CREB3L2: variants seen among roughly 807,000 people sequenced by gnomAD.
The protein encoded by CREB3L2 is cyclic AMP-responsive element-binding protein 3-like protein 2.
A neutral mutation model predicts 57.2 loss-of-function variants in CREB3L2; 23 were observed. The ratio of observed to expected loss-of-function variants is 0.40; its 90% CI spans 0.29 to 0.57. The LOEUF (loss-of-function observed/expected upper bound fraction) is 0.57. CREB3L2 is among the 20% of genes least tolerant of loss of function. The probability of loss-of-function intolerance (pLI) is 0.42; values close to 1 mark genes in which losing one functional copy is unlikely to be tolerated. For synonymous variants in CREB3L2, 268 were observed against 265.1 expected, an observed-to-expected ratio of 1.01 and a Z score of -0.11; for missense variants, 628 against 634.7, an observed-to-expected ratio of 0.99 and a Z score of 0.11.
intron 5 of CREB3L2, among the ~76,000 whole-genome samples, chr7:137,906,752 T>A (rs916617116): frequency 6.6e-6 from 1 of 151,988 alleles, no homozygotes; most frequent in Admixed American, 6.6e-5. Context: ...TTTGTGAGAG[T>A]GAATGAATCT....
intron 1 of CREB3L2, among the ~76,000 whole-genome samples, chr7:137,957,012 T>G (rs893695188): frequency 6.8e-5 from 10 of 147,702 alleles, no homozygotes; most frequent in Admixed American, 2.7e-4. Flanking sequence ...CACCCCCCAG[T>G]GTACATTAAA....
intron 8 of CREB3L2, among the ~76,000 whole-genome samples, chr7:137,892,856 G>T (rs1159695648): frequency 6.6e-6 from 1 of 152,100 alleles, no homozygotes; most frequent in Non-Finnish European, 1.5e-5. Context: ...AGGGCAGGGA[G>T]GTGGCGGGAT....
At chr7:137,953,207 CAA>C (rs1801137026) in intron 1 of CREB3L2, 1 of 291,906 alleles carries the variant, frequency 3.4e-6, no homozygotes, top group East Asian at 8.3e-5. Context: ...TCCTGGGAAA[CAA>C]GAGAGCTCAG....
chr7:137,895,706 T>C (rs1348409212), intron 8 of CREB3L2, among the ~76,000 whole-genome samples: 1 of 150,664 alleles, frequency 6.6e-6, no homozygotes, highest in Non-Finnish European at 1.5e-5. Flanking sequence ...AATTTTCATC[T>C]GGGTAGATGC....
At chr7:137,946,130 A>T (rs1239390431) in intron 1 of CREB3L2, among the ~76,000 whole-genome samples, 2 of 151,558 alleles carry the variant, frequency 1.3e-5, no homozygotes, top group Non-Finnish European at 2.9e-5. Flanking sequence ...GACTCCCAAG[A>T]CTCCTGCTCC....
intron 2 of CREB3L2, among the ~76,000 whole-genome samples, chr7:137,920,951 A>G (rs898329635): frequency 2.6e-5 from 4 of 152,234 alleles, no homozygotes; most frequent in African/African-American, 9.6e-5. Flanking sequence ...AGGACAGAGT[A>G]GAGGAGAAGG....
intron 1 of CREB3L2, 54 bp from the exon 2 acceptor site, chr7:137,928,420 ATACCC>A (rs2117241083): frequency 7.1e-7 from 1 of 1,402,552 alleles, no homozygotes; most frequent in Admixed American, 1.8e-5. Context: ...AATGTGACAG[ATACCC>A]TACGCACATA....
Position 137,879,225 on chromosome 7 carries a change from C to A in CREB3L2, c.*1251G>T. On this transcript the variant is annotated 3_prime_UTR_variant, in exon 12 of 12. Coordinates refer to ENST00000330387, the MANE Select transcript of CREB3L2 (RefSeq NM_194071.4). ...GGGGATTAGGTTGTATCTCTTTGGG[C>A]GAGCTGCAAAGTAGCCAAACCTGAC... 1 of 534,414 alleles carries A rather than the reference C, an allele frequency of 1.9e-6. No individual in the cohort carries two copies. Among genetic ancestry groups the A allele is most frequent in the Non-Finnish European group, 3.6e-6 (1 of 275,322 alleles). 33.1% of individuals were successfully genotyped at this position (534,414 alleles called of 1,614,324 possible). A position where few individuals can be genotyped will look rare whatever the true frequency, so the allele number is the denominator to read the frequency against.
At chr7:137,966,411 T>TC (rs1412512737) in intron 1 of CREB3L2, among the ~76,000 whole-genome samples, 2 of 152,166 alleles carry the variant, frequency 1.3e-5, no homozygotes, top group Non-Finnish European at 2.9e-5. Context: ...ACATTGGTGC[T>TC]CCCTCCAGTG....
intron 2 of CREB3L2, among the ~76,000 whole-genome samples, chr7:137,926,993 A>G (rs1800480181): frequency 6.6e-6 from 1 of 152,042 alleles, no homozygotes; most frequent in South Asian, 2.1e-4. Flanking sequence ...CTACAAAAAA[A>G]TAAAAATAAA....
intron 2 of CREB3L2, among the ~76,000 whole-genome samples, chr7:137,918,961 C>T (rs184895798): frequency 1.2e-3 from 177 of 152,226 alleles, no homozygotes; most frequent in African/African-American, 3.8e-3. Flanking sequence ...AGTGATGGTA[C>T]TTGAACTATA....
chr7:137,977,104 G>T (rs910452838), intron 1 of CREB3L2, among the ~76,000 whole-genome samples: 5 of 152,102 alleles, frequency 3.3e-5, no homozygotes, highest in African/African-American at 1.2e-4. Flanking sequence ...ACTTAAACAC[G>T]GCCCCTGCCC....
chr7:137,993,676 C>G (rs936597879), intron 1 of CREB3L2, among the ~76,000 whole-genome samples: 1 of 152,174 alleles, frequency 6.6e-6, no homozygotes, highest in Non-Finnish European at 1.5e-5. Flanking sequence ...TGGGCTACCA[C>G]GTCTTGCCCA....
At chr7:137,955,335 T>C in intron 1 of CREB3L2, 2 of 1,288,788 alleles carry the variant, frequency 1.6e-6, no homozygotes, top group Non-Finnish European at 2.0e-6. Flanking sequence ...CATCCTGGTT[T>C]GGTAAGCACC....
At chr7:137,961,677 C>T (rs1202738745) in intron 1 of CREB3L2, among the ~76,000 whole-genome samples, 2 of 152,184 alleles carry the variant, frequency 1.3e-5, no homozygotes, top group African/African-American at 4.8e-5. Flanking sequence ...CTCTCAGGTA[C>T]CTGTGGTCCC....
In CREB3L2 at chr7:137,875,340, A is replaced by G. The variant is rs75871069; in HGVS notation, c.*5136T>C. On this transcript the variant is annotated 3_prime_UTR_variant, in exon 12 of 12. Coordinates refer to ENST00000330387, the MANE Select transcript of CREB3L2 (RefSeq NM_194071.4). Reference sequence around the variant, plus strand: ...TTGTCAAAGAGTGCTGGTGTTCTCTATGAACTCATAAACTGTTTTATCTGA... The same window carrying G: ...TTGTCAAAGAGTGCTGGTGTTCTCTGTGAACTCATAAACTGTTTTATCTGA... The G allele has an allele frequency of 6.9e-4, 150 of 218,608 alleles. 1 individual carries two copies. The East Asian group carries it at 8.2e-3, about 12-fold the overall frequency. 13.5% of individuals were successfully genotyped at this position (218,608 alleles called of 1,614,324 possible).
intron 1 of CREB3L2, among the ~76,000 whole-genome samples, chr7:137,930,460 G>A (rs1196252560): frequency 6.6e-6 from 1 of 152,224 alleles, no homozygotes; most frequent in Admixed American, 6.5e-5. Flanking sequence ...CAATGAAGGC[G>A]TTATGAAAAT....
chr7:137,967,192 C>G (rs1329416400), intron 1 of CREB3L2, among the ~76,000 whole-genome samples: 1 of 152,224 alleles, frequency 6.6e-6, no homozygotes, highest in East Asian at 1.9e-4. Flanking sequence ...ACTATGCTGG[C>G]ACACTGATCT....
chr7:137,926,351 A>T (rs1800457321), intron 2 of CREB3L2, among the ~76,000 whole-genome samples: 1 of 152,228 alleles, frequency 6.6e-6, no homozygotes, highest in African/African-American at 2.4e-5. Flanking sequence ...CCAATGATAG[A>T]CTGGATAAAG....
Sources: allele counts gnomAD v4.1 joint callset (sites outside exome capture counted in the v4.1 genomes callset), GRCh38; gene constraint gnomAD v4.1.1; transcripts MANE v1.5; gene names NCBI Gene and HGNC (gene_info 2026-07-23, HGNC 2026-07-21).